Variants in PSAT1 observed in about 807,000 individuals in gnomAD.
PSAT1 encodes phosphoserine aminotransferase.
In PSAT1, 41 loss-of-function variants were observed where a neutral mutation model predicts 40.3. That is an observed-to-expected ratio of 1.02 (90% CI 0.79 to 1.32). The LOEUF is 1.32. Ranked by LOEUF, PSAT1 falls within the 40% of genes most tolerant of loss-of-function variation. The probability of loss-of-function intolerance (pLI) is 0.00; values close to 1 mark genes in which losing one functional copy is unlikely to be tolerated. For synonymous variants in PSAT1, 147 were observed against 170.5 expected, an observed-to-expected ratio of 0.86 and a Z score of 1.07; for missense variants, 406 against 455.8, an observed-to-expected ratio of 0.89 and a Z score of 0.99.
chr9:78,326,934 A>AATATATATATATATATATATATATATAT (rs1210919066), intron 7 of PSAT1, among the ~76,000 whole-genome samples: 11 of 104,542 alleles, frequency 1.1e-4, no homozygotes, highest in Middle Eastern at 4.9e-3. Context: ...AAGTGACAGC[A>AATATATATATATATATATATATATATAT]ATATATATAT....
At chr9:78,299,003 G>C (rs569185771) in intron 1 of PSAT1, among the ~76,000 whole-genome samples, 40 of 152,112 alleles carry the variant, frequency 2.6e-4, no homozygotes, top group African/African-American at 7.5e-4. Context: ...AGCTGGGTGT[G>C]GTGGCGCACG....
Position 78,306,763 on chromosome 9 carries a change from T to A in PSAT1, c.570+277T>A, listed in dbSNP as rs192206543. ...TTTGAGAGTGGTTCTTAGAAACGTG[T>A]TTGGTCAACAGACGGGGAGAGACTT... On this transcript the variant is annotated intron_variant, in intron 5 of 8. Coordinates refer to ENST00000376588, the MANE Select transcript of PSAT1 (RefSeq NM_058179.4). Among the ~76,000 whole-genome samples, 327 of 152,248 alleles carry A rather than the reference T, an allele frequency of 2.1e-3. 2 individuals carry two copies. The highest frequency in any genetic ancestry group is 7.4e-3 in the African/African-American group (308 of 41,542).
Position 78,320,341 on chromosome 9 carries a change from C to CATCT in PSAT1, c.869+2540_869+2541insTATC, listed in dbSNP as rs1366810569. Among the ~76,000 whole-genome samples, 132 of 99,878 alleles carry CATCT rather than the reference C, an allele frequency of 1.3e-3. 1 individual carries two copies. Among genetic ancestry groups the CATCT allele is most frequent in the African/African-American group, 3.4e-3 (123 of 36,628 alleles). 65.5% of individuals were successfully genotyped at this position (99,878 alleles called of 152,430 possible). A position where few individuals can be genotyped will look rare whatever the true frequency, so the allele number is the denominator to read the frequency against. ...TCAATCTTCCATCCATCCATCTATCCATCCATCCATCCATCCATCTGCCCA... is the reference window on the plus strand; with the variant it reads ...TCAATCTTCCATCCATCCATCTATCCATCTATCCATCCATCCATCCATCTGCCCA... On this transcript the variant is annotated intron_variant, in intron 7 of 8. Coordinates refer to ENST00000376588, the MANE Select transcript of PSAT1 (RefSeq NM_058179.4).
intron 1 of PSAT1, among the ~76,000 whole-genome samples, chr9:78,299,514 C>CTTT (rs57722137): frequency 0.47 from 56,020 of 118,178 alleles, 14,259 homozygotes; most frequent in Non-Finnish European, 0.54. Context: ...TAATCTAATT[C>CTTT]TTTTTTTTTT....
chr9:78,328,864 G>A (rs1828540051), intron 8 of PSAT1, 117 bp from the exon 9 acceptor site: 1 of 801,474 alleles, frequency 1.2e-6, no homozygotes, highest in Non-Finnish European at 2.2e-6. Flanking sequence ...TTAGGTAGGA[G>A]ACCGGAAATG....
chr9:78,318,642 T>C (rs7032591), intron 7 of PSAT1, among the ~76,000 whole-genome samples: 68,720 of 152,140 alleles, frequency 0.45, 17,510 homozygotes, highest in Non-Finnish European at 0.58. Flanking sequence ...CACATGGCCT[T>C]CTTTCTGCCG....
At chr9:78,327,498 G>A (rs1828518142) in intron 7 of PSAT1, among the ~76,000 whole-genome samples, 1 of 152,168 alleles carries the variant, frequency 6.6e-6, no homozygotes, top group South Asian at 2.1e-4. Flanking sequence ...GTTGAGGTAG[G>A]TTCCTCTATT....
intron 6 of PSAT1, among the ~76,000 whole-genome samples, chr9:78,311,828 T>TCAAAACAAAAACAAAAAC (rs201165450): frequency 6.6e-5 from 10 of 150,964 alleles, no homozygotes; most frequent in African/African-American, 2.0e-4. Flanking sequence ...TGAGACTGTC[T>TCAAAACAAAAACAAAAAC]GAAAACAAAA....
intron 3 of PSAT1, among the ~76,000 whole-genome samples, chr9:78,304,431 A>G (rs1253316399): frequency 6.6e-6 from 1 of 152,216 alleles, no homozygotes; most frequent in East Asian, 1.9e-4. Context: ...CAGTTGAACC[A>G]TGTCGACTGA....
chr9:78,305,736 T>G (rs1382448309), intron 4 of PSAT1, among the ~76,000 whole-genome samples: 1 of 152,168 alleles, frequency 6.6e-6, no homozygotes, highest in Non-Finnish European at 1.5e-5. Flanking sequence ...GGCTGTAGGT[T>G]TCATTGGCTC....
intron 1 of PSAT1, among the ~76,000 whole-genome samples, chr9:78,299,068 A>G (rs1200670783): frequency 7.1e-6 from 1 of 140,834 alleles, no homozygotes; most frequent in African/African-American, 2.7e-5. Flanking sequence ...TGAGCCCAGG[A>G]GTTTGAGGCT....
intron 6 of PSAT1, among the ~76,000 whole-genome samples, chr9:78,317,445 C>G (rs948899639): frequency 1.3e-5 from 2 of 152,182 alleles, no homozygotes; most frequent in African/African-American, 4.8e-5. Context: ...GGAGACGGGT[C>G]TTGCTATGTT....
chr9:78,325,731 T>C (rs1828488278), intron 7 of PSAT1, among the ~76,000 whole-genome samples: 1 of 152,182 alleles, frequency 6.6e-6, no homozygotes, highest in Non-Finnish European at 1.5e-5. Flanking sequence ...AATCTTTTTT[T>C]CTCCCCCCAG....
intron 6 of PSAT1, among the ~76,000 whole-genome samples, chr9:78,312,911 TC>T (rs1417562394): frequency 2.0e-5 from 3 of 152,140 alleles, no homozygotes; most frequent in African/African-American, 7.2e-5. Flanking sequence ...ATTCACCGAT[TC>T]CTGAGAAAAC....
rs1465646885 is a variant in PSAT1 at position 78,301,998 on chromosome 9, A to G, written c.166A>G (p.Thr56Ala). The G allele has an allele frequency of 1.9e-6, 3 of 1,611,732 alleles. No individual in the cohort carries two copies. In the Admixed American group the frequency reaches 5.0e-5, roughly 27 times the overall value. ...SSDFAKIINN[T>A]ENLVRELLAV... is the part of the protein sequence containing the mutation. Reference sequence around the variant, plus strand: ...AGATTTTGCCAAGATTATTAACAATACAGAGAATCTTGTGCGGGAATTGCT... The same window carrying G: ...AGATTTTGCCAAGATTATTAACAATGCAGAGAATCTTGTGCGGGAATTGCT... The change falls in exon 3 of 9, where the codon ACA becomes GCA. Residue 56 changes from threonine (T) to alanine (A), a missense_variant. Coordinates refer to ENST00000376588, the MANE Select transcript of PSAT1 (RefSeq NM_058179.4).
intron 7 of PSAT1, among the ~76,000 whole-genome samples, chr9:78,327,659 AT>A (rs1386627054): frequency 3.3e-5 from 5 of 152,178 alleles, no homozygotes; most frequent in Non-Finnish European, 7.3e-5. Flanking sequence ...GGACCAACTT[AT>A]TATTTCTCTG....
At chr9:78,297,357 G>A (rs559363104) in intron 1 of PSAT1, 87 bp downstream of exon 1, 1 of 1,451,962 alleles carries the variant, frequency 6.9e-7, no homozygotes, top group African/African-American at 1.4e-5. Flanking sequence ...GTGGCAGTCG[G>A]ATTCCCGCTC....
rs565138461 is a variant in PSAT1, at chr9:78,326,025, G to A, written c.870-2026G>A. On this transcript the variant is annotated intron_variant, in intron 7 of 8. Transcript: ENST00000376588. ...AGTGGAATATCAAAAGAGGGTAGCC[G>A]TTGAATGTTTATTTTCAATGTCAGC... 5.1e-4 allele frequency among the ~76,000 whole-genome samples: 77 copies of A among 152,274 alleles called. 1 individual carries two copies. The South Asian group carries it at 0.015, about 30-fold the overall frequency.
intron 7 of PSAT1, among the ~76,000 whole-genome samples, chr9:78,324,276 G>T (rs553875839): frequency 6.6e-6 from 1 of 152,260 alleles, no homozygotes; most frequent in South Asian, 2.1e-4. Context: ...CTCTGTGAAT[G>T]CAGCTTTCCT....
Sources: allele counts gnomAD v4.1 joint callset (sites outside exome capture counted in the v4.1 genomes callset), GRCh38; gene constraint gnomAD v4.1.1; transcripts MANE v1.5; gene names NCBI Gene and HGNC (gene_info 2026-07-23, HGNC 2026-07-21).